Variants in KLHL26 observed in about 807,000 individuals in gnomAD.
KLHL26 encodes the protein kelch like family member 26.
In KLHL26, 4 loss-of-function variants were observed where a neutral mutation model predicts 7.1. That is an observed-to-expected ratio of 0.56 (90% CI 0.28 to 1.28). KLHL26 has a LOEUF of 1.28. Among genes scored for constraint, KLHL26 ranks in the 50% most tolerant of loss-of-function variants. The pLI, the probability that KLHL26 is intolerant of heterozygous loss-of-function variation, is 0.11. For missense variants in KLHL26, 896 were observed against 924.6 expected, an observed-to-expected ratio of 0.97 and a Z score of 0.40; for synonymous variants, 465 against 414.1, an observed-to-expected ratio of 1.12 and a Z score of -1.49.
rs1261822037 is a variant in KLHL26, at chr19:18,668,783, C to T, written c.1386C>T (p.Leu462=). 5 of 1,596,124 alleles carry T rather than the reference C, an allele frequency of 3.1e-6. No homozygotes were observed. The Admixed American group carries it at 5.0e-5, about 16-fold the overall frequency. The part of the protein sequence containing the change: ...GHAGAASGGR[L]YISGGYGISV... ...CTGGGGCCGCCTCAGGGGGCCGCCT[C>T]TACATCTCGGGTGGCTACGGGATCT... Residue 462 remains leucine, a synonymous_variant, in exon 3 of 3, where the codon CTC becomes CTT. Transcript: ENST00000300976.
intron 2 of KLHL26, among the ~76,000 whole-genome samples, chr19:18,666,320 G>C (rs1281624608): frequency 6.6e-6 from 1 of 151,980 alleles, no homozygotes; most frequent in African/African-American, 2.4e-5. Context: ...GCAAGACTAG[G>C]GGACAGGCCT....
chr19:18,665,773 A>G (rs1257354348), intron 2 of KLHL26, among the ~76,000 whole-genome samples: 1 of 152,074 alleles, frequency 6.6e-6, no homozygotes, highest in African/African-American at 2.4e-5. Flanking sequence ...TCCCTGGGTG[A>G]CCAGCAGGTG....
At chr19:18,654,264 T>A (rs2052301776) in intron 1 of KLHL26, among the ~76,000 whole-genome samples, 1 of 133,482 alleles carries the variant, frequency 7.5e-6, no homozygotes, top group South Asian at 2.6e-4. Flanking sequence ...CTACTGCCCA[T>A]CCAGGCACCC....
chr19:18,643,678 A>G (rs1045316660), intron 1 of KLHL26, among the ~76,000 whole-genome samples: 2 of 151,808 alleles, frequency 1.3e-5, no homozygotes, highest in Admixed American at 6.6e-5. Context: ...CGGTTTCTCC[A>G]TCTTGGTCAG....
rs1191637476 is a variant in KLHL26 at position 18,650,116 on chromosome 19, C to T, written c.83+12979C>T. Among the ~76,000 whole-genome samples the T allele has an allele frequency of 2.0e-5, 3 of 152,042 alleles. No homozygotes were observed. Among genetic ancestry groups the T allele is most frequent in the Non-Finnish European group, 2.9e-5 (2 of 68,002 alleles). On this transcript the variant is annotated intron_variant, in intron 1 of 2. Transcript: ENST00000300976. The surrounding 1 kb of genome is among the most constrained non-coding windows in gnomAD (Gnocchi z 4.2). Reference sequence around the variant, plus strand: ...TGTAAAGGCCTGGAGGGGGGTCACCCGAGGATCGAGGCCGAAGATGTTTAC... The same window carrying T: ...TGTAAAGGCCTGGAGGGGGGTCACCTGAGGATCGAGGCCGAAGATGTTTAC...
rs2052507158 is a variant in KLHL26, at chr19:18,669,774, C to T, written c.*529C>T. On this transcript the variant is annotated 3_prime_UTR_variant, in exon 3 of 3. Coordinates refer to ENST00000300976, the MANE Select transcript of KLHL26 (RefSeq NM_018316.3). ...GGAGCAGTGAGAGGTGGCTTAGAAGCCCCTGGTTTGGGGTGGGTGGAGGAG... is the reference window on the plus strand; with the variant it reads ...GGAGCAGTGAGAGGTGGCTTAGAAGTCCCTGGTTTGGGGTGGGTGGAGGAG... 6.3e-6 allele frequency: 1 copy of T among 157,626 alleles called. No individual in the cohort carries two copies. The highest frequency in any genetic ancestry group is 2.0e-4 in the South Asian group (1 of 4,960). 9.8% of individuals were successfully genotyped at this position (157,626 alleles called of 1,614,324 possible).
rs1317321071 is a variant in KLHL26, at chr19:18,670,168, C to CT, written c.*923_*924insT. 6.6e-6 allele frequency: 1 copy of CT among 152,282 alleles called. No homozygotes were observed. The highest frequency in any genetic ancestry group is 1.9e-4 in the East Asian group (1 of 5,196). 9.4% of individuals were successfully genotyped at this position (152,282 alleles called of 1,614,324 possible). A position where few individuals can be genotyped will look rare whatever the true frequency, so the allele number is the denominator to read the frequency against. ...CGCGCCCTGCCACTCCCTGGCCTGC[C>CT]CTGTTTTTGGGTCAACATTGCTACG... On this transcript the variant is annotated 3_prime_UTR_variant, in exon 3 of 3. Transcript: ENST00000300976.
At chr19:18,647,459 TTGTG>T (rs145913221) in intron 1 of KLHL26, among the ~76,000 whole-genome samples, 1 of 151,504 alleles carries the variant, frequency 6.6e-6, no homozygotes, top group Non-Finnish European at 1.5e-5. Context: ...TTTCTGATAT[TTGTG>T]TGTGTGTGTG....
chr19:18,669,155 C>G lies in KLHL26; in HGVS notation c.1758C>G (p.Asp586Glu), dbSNP rs780074256. ...GIVQVYNTDT[D>E]EWERDLHFPE... ...TACAGGTGTACAACACGGACACCGA[C>G]GAGTGGGAGCGGGACCTGCACTTCC... is the stretch of plus-strand genomic sequence containing the variant. Residue 586 changes from aspartate (D) to glutamate (E), a missense_variant, in exon 3 of 3, where the codon GAC becomes GAG. Asp to Glu is a conservative substitution (Grantham distance 45). Transcript: ENST00000300976. 5.6e-6 allele frequency: 9 copies of G among 1,612,872 alleles called. No individual in the cohort carries two copies. Among genetic ancestry groups the G allele is most frequent in the South Asian group, 4.4e-5 (4 of 91,088 alleles).
chr19:18,640,305 G>A (rs1014928014), intron 1 of KLHL26, among the ~76,000 whole-genome samples: 3 of 151,912 alleles, frequency 2.0e-5, no homozygotes, highest in African/African-American at 7.3e-5. Context: ...TGCAATCACG[G>A]CTTACTGTAG....
chr19:18,651,613 C>A (rs751070754), intron 1 of KLHL26, among the ~76,000 whole-genome samples: 2 of 152,266 alleles, frequency 1.3e-5, no homozygotes, highest in Non-Finnish European at 2.9e-5. Flanking sequence ...CTGTGGAGTG[C>A]CTGCATCTGG....
chr19:18,664,177 G>T, intron 1 of KLHL26, 84 bp from the exon 2 acceptor site: 1 of 1,298,958 alleles, frequency 7.7e-7, no homozygotes, highest in Non-Finnish European at 1.0e-6. Context: ...TTTGTGTCTG[G>T]CTTCTTGCAC....
At position 18,646,139 on chromosome 19, in the gene KLHL26, A is replaced by AT. The variant is rs975693473; in HGVS notation, c.83+9010dup. On this transcript the variant is annotated intron_variant, in intron 1 of 2. Transcript: ENST00000300976. The surrounding 1 kb of genome is among the most constrained non-coding windows in gnomAD (Gnocchi z 5.0). The stretch of plus-strand genomic sequence containing the variant: ...GCCCCTTTCTTTTTTATTATTATTA[A>AT]TTTTTTTTGACGTCACTCTGAGCTC... 6.6e-6 allele frequency among the ~76,000 whole-genome samples: 1 copy of AT among 151,012 alleles called. No individual in the cohort carries two copies. Among genetic ancestry groups the AT allele is most frequent in the Non-Finnish European group, 1.5e-5 (1 of 67,742 alleles).
At chr19:18,647,364 C>T (rs943294646) in intron 1 of KLHL26, among the ~76,000 whole-genome samples, 2 of 152,172 alleles carry the variant, frequency 1.3e-5, no homozygotes, top group Admixed American at 6.5e-5. Context: ...TCCCCCACGG[C>T]GATTACTTTT....
rs772252560 is a variant in KLHL26, at chr19:18,668,321, G to C, written c.924G>C (p.Val308=). 2 of 1,610,312 alleles carry C rather than the reference G, an allele frequency of 1.2e-6. No homozygotes were observed. Among genetic ancestry groups the C allele is most frequent in the South Asian group, 2.2e-5 (2 of 91,062 alleles). The part of the protein sequence containing the change: ...QSPRTAVRSD[V]PSLVTFGGTP... ...CGCGCACCGCCGTGCGCTCGGATGT[G>C]CCCTCGCTCGTCACCTTCGGCGGCA... Residue 308 remains valine, a synonymous_variant, in exon 3 of 3, where the codon GTG becomes GTC. Coordinates refer to ENST00000300976, the MANE Select transcript of KLHL26 (RefSeq NM_018316.3).
chr19:18,660,172 G>A (rs1178240940), intron 1 of KLHL26, among the ~76,000 whole-genome samples: 2 of 152,220 alleles, frequency 1.3e-5, no homozygotes, highest in Non-Finnish European at 2.9e-5. Context: ...GAGAGGAGCA[G>A]GGGTGGTGTT....
chr19:18,645,448 G>A (rs886090576), intron 1 of KLHL26, among the ~76,000 whole-genome samples: 5 of 152,158 alleles, frequency 3.3e-5, no homozygotes, highest in African/African-American at 4.8e-5. Context: ...GGCTCACTGA[G>A]TCATGCTGTT....
intron 1 of KLHL26, 120 bp downstream of exon 1, chr19:18,637,257 G>T (rs1976635976): frequency 9.2e-7 from 1 of 1,081,952 alleles, no homozygotes; most frequent in African/African-American, 1.6e-5. Flanking sequence ...GTCTTTCGCT[G>T]AGAATTTGGA....
chr19:18,659,385 G>T (rs1250916105), intron 1 of KLHL26, among the ~76,000 whole-genome samples: 1 of 152,240 alleles, frequency 6.6e-6, no homozygotes, highest in Non-Finnish European at 1.5e-5. Flanking sequence ...GGGCGGCATC[G>T]CATCAGCCGG....
Sources: allele counts gnomAD v4.1 joint callset (sites outside exome capture counted in the v4.1 genomes callset), GRCh38; gene constraint gnomAD v4.1.1; non-coding constraint Gnocchi (gnomAD v3.1); transcripts MANE v1.5; gene names NCBI Gene and HGNC (gene_info 2026-07-23, HGNC 2026-07-21).